The following DNASE1 variants were observed in gnomAD, a reference collection of about 807,000 sequenced individuals.
DNASE1 encodes deoxyribonuclease 1.
In DNASE1, 40 loss-of-function variants were observed where a neutral mutation model predicts 33.9. That is an observed-to-expected ratio of 1.18 (90% CI 0.92 to 1.54). The LOEUF (loss-of-function observed/expected upper bound fraction) is 1.54. Among genes scored for constraint, DNASE1 ranks in the 40% most tolerant of loss-of-function variants. The probability of loss-of-function intolerance (pLI) is 0.00; values close to 1 mark genes in which losing one functional copy is unlikely to be tolerated. For synonymous variants in DNASE1, 216 were observed against 160.0 expected (o/e 1.35, Z -2.64); for missense variants, 518 against 372.6 (o/e 1.39, Z -3.21).
chr16:3,639,952 T>C (rs545287981), upstream of DNASE1, among the ~76,000 whole-genome samples: 18 of 152,338 alleles, frequency 1.2e-4, no homozygotes, highest in South Asian at 2.7e-3. Context: ...CTTTGAATAA[T>C]GTTGGGTTTG....
At chr16:3,662,905 C>G, downstream of DNASE1, 1 of 1,613,504 alleles carries the variant, frequency 6.2e-7, no homozygotes, top group African/African-American at 1.3e-5. Flanking sequence ...ACACGCGACC[C>G]CAGCACATTT....
chr16:3,649,096 T>G lies in DNASE1; in HGVS notation c.-85-5865T>G, dbSNP rs182503011. The stretch of plus-strand genomic sequence containing the variant: ...CTAGAGGTTTGATCAGATTCAAGAT[T>G]GTTTTGGCAAGAACTCTCCTAAGTG... On this transcript the variant is annotated intron_variant, in intron 1 of 9. Coordinates refer to the DNASE1 transcript ENST00000407479. 8.2e-4 allele frequency among the ~76,000 whole-genome samples: 125 copies of G among 152,352 alleles called. 1 individual carries two copies. The highest frequency in any genetic ancestry group is 2.9e-3 in the African/African-American group (121 of 41,586).
intron 1 of DNASE1, among the ~76,000 whole-genome samples, chr16:3,612,246 G>T (rs946249643): frequency 6.6e-6 from 1 of 152,112 alleles, no homozygotes; most frequent in East Asian, 1.9e-4. Flanking sequence ...AGCCATTGAA[G>T]GTTTTTTGTT....
At chr16:3,625,137 TCTCTACTAAA>T (rs1305050805) in intron 1 of DNASE1, among the ~76,000 whole-genome samples, 3 of 152,082 alleles carry the variant, frequency 2.0e-5, no homozygotes, top group Non-Finnish European at 2.9e-5. Flanking sequence ...TGAAACCCCG[TCTCTACTAAA>T]ATACAAAAGT....
At chr16:3,612,270 G>C (rs2040907223) in intron 1 of DNASE1, among the ~76,000 whole-genome samples, 2 of 152,142 alleles carry the variant, frequency 1.3e-5, no homozygotes, top group Admixed American at 1.3e-4. Context: ...TGTTTTTTGA[G>C]ACGGGGTTTT....
Position 3,657,818 on chromosome 16 carries a change from T to TA in DNASE1, c.801+3dup. ...GCCTATGGCCTGAGTGACCAACTGG[T>TA]ATGTGTCCTCCCTTGCACAGCCACA... is the stretch of plus-strand genomic sequence containing the variant. On this transcript the variant is annotated splice_region_variant and intron_variant, in intron 8 of 8. Coordinates refer to ENST00000246949, the MANE Select transcript of DNASE1 (RefSeq NM_005223.4). 6.2e-7 allele frequency: 1 copy of TA among 1,613,888 alleles called. No homozygotes were observed.
At chr16:3,616,792 G>C (rs2151154183) in intron 1 of DNASE1, among the ~76,000 whole-genome samples, 1 of 152,246 alleles carries the variant, frequency 6.6e-6, no homozygotes, top group East Asian at 1.9e-4. Context: ...CCAGCATAAG[G>C]ATAGACATAT....
At chr16:3,612,620 G>GGCT (rs2040935012) in intron 1 of DNASE1, among the ~76,000 whole-genome samples, 1 of 146,420 alleles carries the variant, frequency 6.8e-6, no homozygotes, top group African/African-American at 2.6e-5. Context: ...ATGTTGCCCA[G>GGCT]GCTGGTCTCG....
At chr16:3,643,739 T>G (rs1156862736) in intron 1 of DNASE1, among the ~76,000 whole-genome samples, 1 of 152,178 alleles carries the variant, frequency 6.6e-6, no homozygotes, top group African/African-American at 2.4e-5. Context: ...TCACATCTGT[T>G]TTATTTTTTT....
chr16:3,658,323 G>T, downstream of DNASE1: 1 of 992,044 alleles, frequency 1.0e-6, no homozygotes, highest in Non-Finnish European at 1.5e-6. Flanking sequence ...TGCCGAGGCT[G>T]GAGTGCAGAG....
At chr16:3,637,449 C>T (rs904374596) in intron 1 of DNASE1, among the ~76,000 whole-genome samples, 1 of 152,258 alleles carries the variant, frequency 6.6e-6, no homozygotes, top group African/African-American at 2.4e-5. Flanking sequence ...TGGCCTGTGA[C>T]TTTTACCAGC....
In DNASE1 at chr16:3,657,088, G is replaced by A. The variant is rs775061418; in HGVS notation, c.526G>A (p.Val176Ile). 2 of 1,614,026 alleles carry A rather than the reference G, an allele frequency of 1.2e-6. No homozygotes were observed. Among genetic ancestry groups the A allele is most frequent in the Non-Finnish European group, 1.7e-6 (2 of 1,180,038 alleles). ...CGCTCTCTATGACGTCTACCTGGAT[G>A]TCCAAGAGAAATGGGGCTTGGAGGT... is the stretch of plus-strand genomic sequence containing the variant. ...IDALYDVYLD[V>I]QEKWGLEDVM... The change falls in exon 6 of 9, where the codon GTC (valine) becomes ATC (isoleucine). Residue 176 changes from valine to isoleucine, a missense_variant. Coordinates refer to ENST00000246949, the MANE Select transcript of DNASE1 (RefSeq NM_005223.4).
chr16:3,626,208 AAAAAAT>A (rs1203435341), intron 1 of DNASE1, among the ~76,000 whole-genome samples: 2 of 152,204 alleles, frequency 1.3e-5, no homozygotes, highest in Non-Finnish European at 2.9e-5. Context: ...CCTAAAAAAA[AAAAAAT>A]AGAAAAACAG....
exon 10 of DNASE1, chr16:3,664,564 C>G (rs2050783254): frequency 2.3e-6 from 3 of 1,279,204 alleles, no homozygotes; most frequent in Non-Finnish European, 3.2e-6. Flanking sequence ...CCTGGCACTC[C>G]AGGCTGGCCC....
intron 1 of DNASE1, among the ~76,000 whole-genome samples, chr16:3,617,199 G>C (rs57240243): frequency 6.6e-6 from 1 of 151,276 alleles, no homozygotes; most frequent in Non-Finnish European, 1.5e-5. Flanking sequence ...GGTGGTGTGC[G>C]CCCGTAATCC....
chr16:3,653,350 C>T (rs2042403149), upstream of DNASE1: 1 of 152,172 alleles, frequency 6.6e-6, no homozygotes, highest in African/African-American at 2.4e-5. Flanking sequence ...TTATTTTAAG[C>T]AACCAAACTT....
chr16:3,644,392 C>G (rs923896510), intron 1 of DNASE1, among the ~76,000 whole-genome samples: 2 of 152,088 alleles, frequency 1.3e-5, no homozygotes, highest in Admixed American at 1.3e-4. Flanking sequence ...GTAAAACCTT[C>G]TCTCTACTAA....
chr16:3,612,746 C>G (rs993156924), intron 1 of DNASE1, among the ~76,000 whole-genome samples: 1 of 152,048 alleles, frequency 6.6e-6, no homozygotes, highest in Non-Finnish European at 1.5e-5. Context: ...ACAGTGAGAA[C>G]AGATGAGGCA....
chr16:3,619,917 CTTTT>C (rs1180233396), intron 1 of DNASE1, among the ~76,000 whole-genome samples: 1 of 136,820 alleles, frequency 7.3e-6, no homozygotes. Flanking sequence ...TATGGCTTTT[CTTTT>C]TTTTTTTTTT....
Sources: allele counts gnomAD v4.1 joint callset (sites outside exome capture counted in the v4.1 genomes callset), GRCh38; gene constraint gnomAD v4.1.1; transcripts MANE v1.5; gene names NCBI Gene and HGNC (gene_info 2026-07-23, HGNC 2026-07-21).